Variants in SQOR observed in about 807,000 individuals in gnomAD.
SQOR encodes sulfide quinone oxidoreductase.
In SQOR, 39 loss-of-function variants were observed where a neutral mutation model predicts 48.6. That is an observed-to-expected ratio of 0.80 (90% CI 0.62 to 1.05). SQOR has a LOEUF of 1.05. Among genes scored for constraint, SQOR ranks in the 50% least tolerant of loss-of-function variants. The probability of loss-of-function intolerance (pLI) is 0.00; values close to 1 mark genes in which losing one functional copy is unlikely to be tolerated. For missense variants in SQOR, 561 were observed against 559.9 expected (o/e 1.00, Z -0.02); for synonymous variants, 220 against 206.2 (o/e 1.07, Z -0.57).
chr15:45,662,494 C>T (rs753081511), intron 3 of SQOR, among the ~76,000 whole-genome samples: 22 of 152,118 alleles, frequency 1.4e-4, no homozygotes, highest in Non-Finnish European at 2.4e-4. Flanking sequence ...GATTTTCTAC[C>T]GGTCGCCTAG....
chr15:45,659,854 T>C (rs1405362455), intron 2 of SQOR, among the ~76,000 whole-genome samples: 1 of 152,198 alleles, frequency 6.6e-6, no homozygotes, highest in Non-Finnish European at 1.5e-5. Flanking sequence ...AGAGATACAA[T>C]TCAACCCATG....
chr15:45,681,355 G>A (rs1365907094), intron 6 of SQOR, among the ~76,000 whole-genome samples: 1 of 152,186 alleles, frequency 6.6e-6, no homozygotes, highest in Non-Finnish European at 1.5e-5. Flanking sequence ...GTGCCCAAGA[G>A]CCACCCTCCA....
In SQOR at chr15:45,646,470, C is replaced by T. The variant is rs149873341; in HGVS notation, c.-18+11362C>T. Among the ~76,000 whole-genome samples, 489 of 152,264 alleles carry T rather than the reference C, an allele frequency of 3.2e-3. 2 individuals carry two copies. Among genetic ancestry groups the T allele is most frequent in the South Asian group, 0.021 (99 of 4,820 alleles). ...ATTTGTAAAGTGATATCAATACTTCCGGTGTGGGCTCAGGTTTGGGCCCTG... is the reference window on the plus strand; with the variant it reads ...ATTTGTAAAGTGATATCAATACTTCTGGTGTGGGCTCAGGTTTGGGCCCTG... On this transcript the variant is annotated intron_variant, in intron 1 of 9. Coordinates refer to ENST00000260324, the MANE Select transcript of SQOR (RefSeq NM_021199.4).
At chr15:45,640,674 G>A (rs1276154725) in intron 1 of SQOR, among the ~76,000 whole-genome samples, 2 of 152,158 alleles carry the variant, frequency 1.3e-5, no homozygotes, top group African/African-American at 4.8e-5. Flanking sequence ...GGCCAGTCCC[G>A]TTTACAGTGA....
At chr15:45,667,925 ATTTC>A (rs1274386876) in intron 3 of SQOR, among the ~76,000 whole-genome samples, 2 of 120,590 alleles carry the variant, frequency 1.7e-5, no homozygotes, top group African/African-American at 6.2e-5. Context: ...ATCTTTCTTT[ATTTC>A]TTTCTTTCTT....
At chr15:45,651,038 T>C (rs960894573) in intron 1 of SQOR, among the ~76,000 whole-genome samples, 9 of 152,086 alleles carry the variant, frequency 5.9e-5, no homozygotes, top group African/African-American at 1.4e-4. Context: ...GGGCGGTCAA[T>C]GGGACAGGGC....
In SQOR at chr15:45,687,827, TAGATCTATATCTATATCCAC is replaced by T. The variant is rs1481251974; in HGVS notation, c.1049-492_1049-473del. 4.6e-5 allele frequency among the ~76,000 whole-genome samples: 7 copies of T among 152,352 alleles called. No homozygotes were observed. The South Asian group carries it at 6.2e-4, about 14-fold the overall frequency. On this transcript the variant is annotated intron_variant, in intron 7 of 9. Transcript: ENST00000260324. ...CTATATATCTGTATCTCTATATCTA[TAGATCTATATCTATATCCAC>T]AGATCTATATCTATATCTGTATCTA...
In SQOR at chr15:45,657,016, C is replaced by T. The variant is rs917613651; in HGVS notation, c.-17-1891C>T. The stretch of plus-strand genomic sequence containing the variant: ...AGAGACAGGGTTTCACCATGTTGGC[C>T]AGGGTGGTCTTGAACTGCTGACCTC... On this transcript the variant is annotated intron_variant, in intron 1 of 9. Coordinates refer to ENST00000260324, the MANE Select transcript of SQOR (RefSeq NM_021199.4). Among the ~76,000 whole-genome samples, 5 of 151,994 alleles carry T rather than the reference C, an allele frequency of 3.3e-5. No homozygotes were observed. In the South Asian group the frequency reaches 6.2e-4, roughly 19 times the overall value.
intron 9 of SQOR, 121 bp downstream of exon 9, chr15:45,689,338 T>TTAG: frequency 1.1e-6 from 1 of 888,408 alleles, no homozygotes; most frequent in Non-Finnish European, 1.7e-6. Flanking sequence ...TTCCATGCTC[T>TTAG]AGGCCCTCTT....
At position 45,686,008 on chromosome 15, in the gene SQOR, C is replaced by G. The variant is rs557730709; in HGVS notation, c.1049-2329C>G. 1.5e-4 allele frequency among the ~76,000 whole-genome samples: 20 copies of G among 130,198 alleles called. No individual in the cohort carries two copies. The East Asian group carries it at 3.7e-3, about 24-fold the overall frequency. 85.4% of individuals were successfully genotyped at this position (130,198 alleles called of 152,430 possible). A position where few individuals can be genotyped will look rare whatever the true frequency, so the allele number is the denominator to read the frequency against. On this transcript the variant is annotated intron_variant, in intron 7 of 9. Transcript: ENST00000260324. ...GGAACTGTAGGCATGTGTCACCATA[C>G]CCAGCTAATTTTTAAGTTATCTGTA...
intron 6 of SQOR, among the ~76,000 whole-genome samples, chr15:45,679,632 G>A (rs966497697): frequency 2.6e-4 from 40 of 152,102 alleles, no homozygotes; most frequent in Admixed American, 4.6e-4. Flanking sequence ...CCTGGGAGGC[G>A]GAGGAACTAG....
intron 7 of SQOR, among the ~76,000 whole-genome samples, chr15:45,686,759 C>T (rs1402185927): frequency 6.6e-6 from 1 of 152,226 alleles, no homozygotes; most frequent in Non-Finnish European, 1.5e-5. Context: ...ACCCATCTTT[C>T]CTCAAACGTG....
Position 45,637,991 on chromosome 15 carries a change from G to C in SQOR, c.-18+2883G>C, listed in dbSNP as rs575857467. Among the ~76,000 whole-genome samples, 5 of 152,338 alleles carry C rather than the reference G, an allele frequency of 3.3e-5. No homozygotes were observed. The South Asian group carries it at 6.2e-4, about 19-fold the overall frequency. ...CCCAGACCTGGCTGGAAGCCAACTA[G>C]TTGCTTCTTAATCCCAGCCTTAAAA... On this transcript the variant is annotated intron_variant, in intron 1 of 9. Coordinates refer to ENST00000260324, the MANE Select transcript of SQOR (RefSeq NM_021199.4).
Position 45,690,990 on chromosome 15 carries a change from C to T in SQOR, c.1313C>T (p.Pro438Leu). ...NMMLRGYWGG[P>L]AFLRKLFHLG... Reference sequence around the variant, plus strand: ...TCTTACAGGGGTTACTGGGGAGGACCAGCGTTTCTGCGCAAGTTGTTTCAT... The same window carrying T: ...TCTTACAGGGGTTACTGGGGAGGACTAGCGTTTCTGCGCAAGTTGTTTCAT... The change falls in exon 10 of 10, where the codon CCA (proline) becomes CTA (leucine). Residue 438 changes from proline (P) to leucine (L), a missense_variant. Physicochemically the swap from Pro to Leu is moderately conservative, Grantham distance 98 (BLOSUM62 -3). Transcript: ENST00000260324. 1 of 1,614,132 alleles carries T rather than the reference C, an allele frequency of 6.2e-7. No homozygotes were observed. Among genetic ancestry groups the T allele is most frequent in the South Asian group, 1.1e-5 (1 of 91,088 alleles).
chr15:45,649,903 C>T (rs891469942), intron 1 of SQOR, among the ~76,000 whole-genome samples: 1 of 151,826 alleles, frequency 6.6e-6, no homozygotes, highest in Non-Finnish European at 1.5e-5. Flanking sequence ...CCCAGGCTGG[C>T]GTGACCTCAG....
At chr15:45,646,217 T>A (rs906687896) in intron 1 of SQOR, among the ~76,000 whole-genome samples, 3 of 152,248 alleles carry the variant, frequency 2.0e-5, no homozygotes, top group African/African-American at 7.2e-5. Context: ...AGGACTCTTC[T>A]GTTCTGCCCT....
intron 6 of SQOR, among the ~76,000 whole-genome samples, chr15:45,678,776 G>C (rs922549621): frequency 5.3e-5 from 8 of 152,008 alleles, no homozygotes; most frequent in Non-Finnish European, 4.4e-5. Context: ...CTTTTTCCTG[G>C]CTGTCAGGCC....
chr15:45,690,297 C>T (rs1320388526), intron 9 of SQOR, among the ~76,000 whole-genome samples: 16 of 152,010 alleles, frequency 1.1e-4, no homozygotes, highest in Non-Finnish European at 2.4e-4. Context: ...AACTCCTGGC[C>T]TCAAATGATC....
At chr15:45,662,301 T>C (rs1039171070) in intron 3 of SQOR, among the ~76,000 whole-genome samples, 176 bp downstream of exon 3, 1 of 152,214 alleles carries the variant, frequency 6.6e-6, no homozygotes, top group Non-Finnish European at 1.5e-5. Flanking sequence ...GGAGGATAGA[T>C]GGAAGGACTG....
Sources: gnomAD v4.1 joint callset for allele counts (sites outside exome capture counted in the v4.1 genomes callset) on GRCh38, gnomAD v4.1.1 for gene constraint, MANE v1.5 for transcripts, NCBI Gene and HGNC (gene_info 2026-07-23, HGNC 2026-07-21) for gene names.